Variants in RBFOX1 observed in about 807,000 individuals in gnomAD.
RBFOX1 encodes RNA binding fox-1 homolog 1.
A neutral mutation model predicts 57.7 loss-of-function variants in RBFOX1; 8 were observed. That is an observed-to-expected ratio of 0.14 (90% confidence interval 0.08 to 0.25). RBFOX1 has a LOEUF of 0.25. Ranked by LOEUF, RBFOX1 falls within the 10% of genes least tolerant of loss-of-function variation. The probability of loss-of-function intolerance (pLI) is 1.00; values close to 1 mark genes in which losing one functional copy is unlikely to be tolerated. For missense variants in RBFOX1, 611 were observed against 548.5 expected (o/e 1.11, Z -1.14); for synonymous variants, 326 against 222.4 (o/e 1.47, Z -4.15).
chr16:6,610,130 T>G (rs1174146449), intron 2 of RBFOX1, among the ~76,000 whole-genome samples: 1 of 152,160 alleles, frequency 6.6e-6, no homozygotes, highest in African/African-American at 2.4e-5. Context: ...AAAGTGTGTT[T>G]CATGGACCTC....
At chr16:6,650,162 C>A (rs550317881) in intron 2 of RBFOX1, among the ~76,000 whole-genome samples, 1 of 152,194 alleles carries the variant, frequency 6.6e-6, no homozygotes, top group Non-Finnish European at 1.5e-5. Flanking sequence ...TTTGTAATAA[C>A]TGTAAGAATA....
At chr16:6,059,021 C>G (rs1044044806) in intron 1 of RBFOX1, among the ~76,000 whole-genome samples, 2 of 152,238 alleles carry the variant, frequency 1.3e-5, no homozygotes, top group African/African-American at 4.8e-5. Flanking sequence ...AAGAATGCCA[C>G]ATCTTTGCAA....
At chr16:6,015,564 C>T (rs2094988438), upstream of RBFOX1, among the ~76,000 whole-genome samples, 1 of 152,190 alleles carries the variant, frequency 6.6e-6, no homozygotes, top group East Asian at 1.9e-4. Flanking sequence ...TCTCTTGGCT[C>T]TTTCACCATT....
chr16:6,847,571 C>T (rs969936271), intron 3 of RBFOX1, among the ~76,000 whole-genome samples: 1 of 151,874 alleles, frequency 6.6e-6, no homozygotes, highest in African/African-American at 2.4e-5. Context: ...GGTCCATGGT[C>T]AGTCGCTGAA....
intron 2 of RBFOX1, among the ~76,000 whole-genome samples, chr16:5,542,208 G>C (rs1398536198): frequency 6.7e-6 from 1 of 149,378 alleles, no homozygotes; most frequent in African/African-American, 2.5e-5. Flanking sequence ...CTCAAGAATT[G>C]CTTATAGTCA....
intron 3 of RBFOX1, among the ~76,000 whole-genome samples, chr16:6,977,585 C>T (rs57412659): frequency 6.6e-6 from 1 of 151,952 alleles, no homozygotes; most frequent in Non-Finnish European, 1.5e-5. Context: ...GTTCCTAACT[C>T]AGGACAGATG....
intron 1 of RBFOX1, among the ~76,000 whole-genome samples, chr16:6,146,595 G>A (rs1353867930): frequency 2.0e-5 from 3 of 152,144 alleles, no homozygotes; most frequent in Non-Finnish European, 4.4e-5. Context: ...GAGAGAGTAG[G>A]TGACTGTTTT....
intron 1 of RBFOX1, among the ~76,000 whole-genome samples, chr16:5,319,343 C>T (rs998949769): frequency 2.6e-5 from 4 of 152,112 alleles, no homozygotes; most frequent in Admixed American, 2.6e-4. Context: ...TAGTCACTGC[C>T]CTTGGAGTTT....
chr16:6,866,788 T>C (rs977435228), intron 3 of RBFOX1, among the ~76,000 whole-genome samples: 4 of 151,932 alleles, frequency 2.6e-5, no homozygotes, highest in Admixed American at 6.6e-5. Flanking sequence ...GTGATCTGCC[T>C]GCCTTGGCCT....
intron 3 of RBFOX1, among the ~76,000 whole-genome samples, chr16:5,856,607 T>TATATATATATAAAAC (rs2057079090): frequency 2.5e-5 from 1 of 40,642 alleles, no homozygotes; most frequent in Non-Finnish European, 5.0e-5. Context: ...ATATATATAA[T>TATATATATATAAAAC]CTTAGCCAGA....
chr16:6,169,011 G>A lies in RBFOX1; in HGVS notation c.-126-147984G>A, dbSNP rs1009248083. ...AATTTAGAGTTGGGCAAAAGTGCCTGAAAAGCAGGCCTTCTCATTTCATAA... is the reference window on the plus strand; with the variant it reads ...AATTTAGAGTTGGGCAAAAGTGCCTAAAAAGCAGGCCTTCTCATTTCATAA... On this transcript the variant is annotated intron_variant, in intron 1 of 15. Transcript: ENST00000550418. Among the ~76,000 whole-genome samples, 15 of 152,070 alleles carry A rather than the reference G, an allele frequency of 9.9e-5. 1 individual carries two copies.
At chr16:7,693,373 A>T (rs762387190) in intron 14 of RBFOX1, 2 of 1,608,768 alleles carry the variant, frequency 1.2e-6, no homozygotes, top group Admixed American at 3.3e-5. Context: ...TGCAGGTAAC[A>T]AACGTTGCTA....
At position 6,595,090 on chromosome 16, in the gene RBFOX1, C is replaced by A. The variant is rs537578695; in HGVS notation, c.-63-59513C>A. On this transcript the variant is annotated intron_variant, in intron 2 of 15. Coordinates refer to ENST00000550418, the MANE Select transcript of RBFOX1 (RefSeq NM_018723.4). ...GCATGAGCCACCGCACCTGGCCTTCCGTGGTTTTTAATGTATTCACAGAGC... is the reference window on the plus strand; with the variant it reads ...GCATGAGCCACCGCACCTGGCCTTCAGTGGTTTTTAATGTATTCACAGAGC... Among the ~76,000 whole-genome samples the A allele has an allele frequency of 3.3e-5, 5 of 152,202 alleles. No homozygotes were observed. The South Asian group carries it at 8.3e-4, about 25-fold the overall frequency.
chr16:7,253,573 C>G (rs17561584), intron 4 of RBFOX1, among the ~76,000 whole-genome samples: 160 of 152,198 alleles, frequency 1.1e-3, no homozygotes, highest in Non-Finnish European at 1.6e-3. Flanking sequence ...TTCTGGATGT[C>G]TCCTCTGTCT....
chr16:5,282,061 C>T (rs9941125), intron 1 of RBFOX1, among the ~76,000 whole-genome samples: 35 of 151,908 alleles, frequency 2.3e-4, no homozygotes, highest in African/African-American at 6.5e-4. Context: ...CCCAGTGGGA[C>T]GTAGTTGAAT....
At chr16:5,510,532 C>T (rs1167714319) in intron 2 of RBFOX1, among the ~76,000 whole-genome samples, 1 of 152,116 alleles carries the variant, frequency 6.6e-6, no homozygotes, top group Non-Finnish European at 1.5e-5. Flanking sequence ...GTGGCTGAGT[C>T]CAGGCTCACC....
chr16:5,760,577 G>A (rs61664971), intron 3 of RBFOX1, among the ~76,000 whole-genome samples: 3,687 of 152,154 alleles, frequency 0.024, 154 homozygotes, highest in African/African-American at 0.082. Flanking sequence ...TTTAGCCCTA[G>A]AAAAGAAAGA....
At chr16:7,113,048 T>C (rs1376988368) in intron 4 of RBFOX1, among the ~76,000 whole-genome samples, 1 of 152,182 alleles carries the variant, frequency 6.6e-6, no homozygotes, top group Non-Finnish European at 1.5e-5. Flanking sequence ...GAGAAAGCCT[T>C]GCAACCTGGA....
chr16:7,027,324 A>G (rs1037122742), intron 3 of RBFOX1, among the ~76,000 whole-genome samples: 2 of 152,342 alleles, frequency 1.3e-5, no homozygotes, highest in Non-Finnish European at 2.9e-5. Flanking sequence ...AAAATGCATT[A>G]TAGAATTTTG....
Sources: allele counts gnomAD v4.1 joint callset (sites outside exome capture counted in the v4.1 genomes callset), GRCh38; gene constraint gnomAD v4.1.1; transcripts MANE v1.5; gene names NCBI Gene and HGNC (gene_info 2026-07-23, HGNC 2026-07-21).